The following WNT3A variants were observed in gnomAD, a reference collection of about 807,000 sequenced individuals.
WNT3A encodes Wnt family member 3A.
Under a neutral mutation model 37.0 loss-of-function variants are expected in WNT3A, and 17 were observed. The observed-to-expected ratio is 0.46, with a 90% confidence interval of 0.31 to 0.69. The LOEUF is 0.69. WNT3A is among the 30% of genes least tolerant of loss of function. WNT3A has a pLI of 0.05. For synonymous variants in WNT3A, 187 were observed against 211.0 expected, an observed-to-expected ratio of 0.89 and a Z score of 0.99; for missense variants, 411 against 510.2, an observed-to-expected ratio of 0.81 and a Z score of 1.87.
intron 2 of WNT3A, among the ~76,000 whole-genome samples, chr1:228,047,923 C>A (rs1025981560): frequency 1.3e-5 from 2 of 152,208 alleles, no homozygotes; most frequent in East Asian, 3.9e-4. Context: ...CTCTACCAGG[C>A]CCCACCCCAG....
intron 2 of WNT3A, among the ~76,000 whole-genome samples, chr1:228,026,158 C>T (rs771879756): frequency 2.6e-5 from 4 of 151,030 alleles, no homozygotes; most frequent in Non-Finnish European, 4.4e-5. Context: ...AGTTTTGATC[C>T]TCAACTGTAA....
chr1:228,033,568 G>C (rs1275784320), intron 2 of WNT3A, among the ~76,000 whole-genome samples: 1 of 152,124 alleles, frequency 6.6e-6, no homozygotes, highest in African/African-American at 2.4e-5. Context: ...GATTATTGTA[G>C]TTTTGTAGTG....
chr1:228,028,958 T>G (rs559614025), intron 2 of WNT3A, among the ~76,000 whole-genome samples: 1 of 148,350 alleles, frequency 6.7e-6, no homozygotes, highest in Non-Finnish European at 1.5e-5. Flanking sequence ...GCAAAACGAG[T>G]TTTTTTTTTA....
rs185891605 is a variant in WNT3A at position 228,029,513 on chromosome 1, C to T, written c.313+6605C>T. ...TACTCAGACAAAGCGAGACAGGTCA[C>T]GCTGGGAAAGTCCTCCCAGGGACCT... On this transcript the variant is annotated intron_variant, in intron 2 of 3. Transcript: ENST00000284523. 1.8e-4 allele frequency among the ~76,000 whole-genome samples: 28 copies of T among 152,272 alleles called. No individual in the cohort carries two copies. The East Asian group carries it at 4.8e-3, about 26-fold the overall frequency.
rs1476266555 is a variant in WNT3A at position 228,059,381 on chromosome 1, G to T, written c.975G>T (p.Glu325Asp). Residue 325 changes from glutamate (E) to aspartate (D), a missense_variant, in exon 4 of 4, where the codon GAG becomes GAT. Glu to Asp is a conservative substitution (Grantham distance 45). Coordinates refer to ENST00000284523, the MANE Select transcript of WNT3A (RefSeq NM_033131.4). ...ACGCGCGAGCGGAGCGGCGCCGGGA[G>T]AAGTGCCGCTGCGTGTTCCACTGGT... ...GHNARAERRR[E>D]KCRCVFHWCC... The T allele has an allele frequency of 1.3e-6, 2 of 1,562,080 alleles. No individual in the cohort carries two copies. The highest frequency in any genetic ancestry group is 1.7e-6 in the Non-Finnish European group (2 of 1,158,160).
intron 2 of WNT3A, among the ~76,000 whole-genome samples, chr1:228,046,792 G>C (rs190038121): frequency 2.7e-5 from 4 of 148,862 alleles, no homozygotes; most frequent in African/African-American, 1.0e-4. Context: ...GCATGCGTGT[G>C]ATGTGTGCAT....
At chr1:228,054,778 A>G (rs1280443327) in intron 3 of WNT3A, among the ~76,000 whole-genome samples, 3 of 151,692 alleles carry the variant, frequency 2.0e-5, no homozygotes, top group Non-Finnish European at 4.4e-5. Flanking sequence ...TTAGACACAG[A>G]CTTTGAGGGG....
intron 3 of WNT3A, among the ~76,000 whole-genome samples, chr1:228,052,103 T>C (rs1020256794): frequency 5.9e-5 from 9 of 152,196 alleles, no homozygotes; most frequent in Admixed American, 3.9e-4. Flanking sequence ...ATGACTTGAC[T>C]TGATCACCTT....
chr1:228,037,556 C>T lies in WNT3A; in HGVS notation c.314-13100C>T, dbSNP rs1282918877. Among the ~76,000 whole-genome samples the T allele has an allele frequency of 6.6e-6, 1 of 152,176 alleles. No homozygotes were observed. Among genetic ancestry groups the T allele is most frequent in the East Asian group, 1.9e-4 (1 of 5,176 alleles). On this transcript the variant is annotated intron_variant, in intron 2 of 3. Coordinates refer to ENST00000284523, the MANE Select transcript of WNT3A (RefSeq NM_033131.4). The surrounding 1 kb of genome is among the most constrained non-coding windows in gnomAD (Gnocchi z 4.1). Reference sequence around the variant, plus strand: ...AGGGCCGGCACAGGGGTGGGGCCTGCCTGCTAGGACATGGGGACACACAGG... The same window carrying T: ...AGGGCCGGCACAGGGGTGGGGCCTGTCTGCTAGGACATGGGGACACACAGG...
chr1:228,057,088 G>A (rs1044988720), intron 3 of WNT3A, among the ~76,000 whole-genome samples: 1 of 152,198 alleles, frequency 6.6e-6, no homozygotes, highest in Admixed American at 6.5e-5. Context: ...AGATAAGTAA[G>A]GGAGAATTTG....
intron 2 of WNT3A, among the ~76,000 whole-genome samples, chr1:228,023,476 G>A (rs961374480): frequency 2.0e-5 from 3 of 151,452 alleles, no homozygotes; most frequent in Non-Finnish European, 2.9e-5. Flanking sequence ...GGGACAGAGC[G>A]ACCAAAAGAG....
intron 3 of WNT3A, among the ~76,000 whole-genome samples, chr1:228,052,819 G>A (rs6675092): frequency 0.013 from 1,979 of 152,314 alleles, 41 homozygotes; most frequent in African/African-American, 0.045. Context: ...CATGATAGAT[G>A]AGGCAGTGCA....
chr1:228,053,649 A>C (rs556490903), intron 3 of WNT3A, among the ~76,000 whole-genome samples: 1 of 152,272 alleles, frequency 6.6e-6, no homozygotes, highest in Non-Finnish European at 1.5e-5. Context: ...AGATAGACAA[A>C]CCAATGGGAA....
intron 1 of WNT3A, among the ~76,000 whole-genome samples, chr1:228,015,142 T>C (rs751827734): frequency 9.2e-5 from 14 of 152,246 alleles, no homozygotes; most frequent in Non-Finnish European, 1.6e-4. Context: ...TGTTCTGTTT[T>C]TGAAAACTCA....
intron 1 of WNT3A, among the ~76,000 whole-genome samples, chr1:228,015,328 C>T (rs2102761820): frequency 6.6e-6 from 1 of 152,364 alleles, no homozygotes; most frequent in Non-Finnish European, 1.5e-5. Flanking sequence ...AGCAGGGTCA[C>T]ATTCCCTTGG....
chr1:228,035,646 G>T (rs912524515), intron 2 of WNT3A, among the ~76,000 whole-genome samples: 1 of 152,216 alleles, frequency 6.6e-6, no homozygotes, highest in Non-Finnish European at 1.5e-5. Flanking sequence ...GATTAATGCC[G>T]CAGGCTCTCC....
chr1:228,058,301 C>T (rs1465970065), intron 3 of WNT3A, among the ~76,000 whole-genome samples: 1 of 152,208 alleles, frequency 6.6e-6, no homozygotes, highest in Non-Finnish European at 1.5e-5. Context: ...CCTGTCTGTC[C>T]AGTGGCTGCC....
intron 3 of WNT3A, among the ~76,000 whole-genome samples, chr1:228,055,066 G>A (rs1368139752): frequency 1.3e-5 from 2 of 148,354 alleles, no homozygotes; most frequent in Non-Finnish European, 3.0e-5. Context: ...TCCAGGAGGC[G>A]GAGGTTGTGG....
At chr1:228,036,092 C>T (rs1277944227) in intron 2 of WNT3A, among the ~76,000 whole-genome samples, 1 of 152,170 alleles carries the variant, frequency 6.6e-6, no homozygotes, top group African/African-American at 2.4e-5. Flanking sequence ...TGGCTGCGCT[C>T]TCCATAATCA....
Sources: allele counts gnomAD v4.1 joint callset (sites outside exome capture counted in the v4.1 genomes callset), GRCh38; gene constraint gnomAD v4.1.1; non-coding constraint Gnocchi (gnomAD v3.1); transcripts MANE v1.5; gene names NCBI Gene and HGNC (gene_info 2026-07-23, HGNC 2026-07-21).